Variants in VEPH1 observed in about 807,000 individuals in gnomAD.
VEPH1 encodes ventricular zone expressed PH domain containing 1.
In VEPH1, 80 loss-of-function variants were observed where a neutral mutation model predicts 85.2. The ratio of observed to expected loss-of-function variants is 0.94; its 90% confidence interval spans 0.78 to 1.13. The LOEUF (loss-of-function observed/expected upper bound fraction) is 1.13. Among genes scored for constraint, VEPH1 ranks in the 50% most tolerant of loss-of-function variants. VEPH1 has a pLI of 0.00. For synonymous variants in VEPH1, 297 were observed against 348.0 expected (o/e 0.85, Z 1.63); for missense variants, 955 against 980.5 (o/e 0.97, Z 0.35).
At position 157,286,588 on chromosome 3, in the gene VEPH1, G is replaced by GC. The variant is rs1183444043; in HGVS notation, c.2096dup (p.Cys699TrpfsTer8). The GC allele has an allele frequency of 6.2e-7, 1 of 1,614,070 alleles. No homozygotes were observed. The highest frequency in any genetic ancestry group is 8.5e-7 in the Non-Finnish European group (1 of 1,179,938). On this transcript the variant is annotated frameshift_variant, in exon 12 of 14. Transcript: ENST00000362010. LOFTEE classifies it high-confidence loss of function. Reference sequence around the variant, plus strand: ...CTTTCTCAGGATTGTTGCACATGAAGCATTGCCATGCTCCTGCTGTTTCAC... The same window carrying GC: ...CTTTCTCAGGATTGTTGCACATGAAGCCATTGCCATGCTCCTGCTGTTTCAC...
intron 6 of VEPH1, among the ~76,000 whole-genome samples, chr3:157,395,574 C>G (rs1432156375): frequency 6.6e-6 from 1 of 152,176 alleles, no homozygotes; most frequent in Non-Finnish European, 1.5e-5. Context: ...ATCATATCCA[C>G]TTGATTATTA....
In VEPH1 at chr3:157,286,631, A is replaced by G. The variant is rs926894744; in HGVS notation, c.2054T>C (p.Phe685Ser). 3 of 1,614,022 alleles carry G rather than the reference A, an allele frequency of 1.9e-6. No individual in the cohort carries two copies. Among genetic ancestry groups the G allele is most frequent in the Non-Finnish European group, 2.5e-6 (3 of 1,179,992 alleles). ...TGTTTCACTGAAGCCAAACACGTCA[A>G]AGAACCTCACTTCTTCCAGATGGAG... ...VQLHLEEVRF[F>S]DVFGFSETAG... Residue 685 changes from phenylalanine (F) to serine (S), a missense_variant, in exon 12 of 14, where the codon TTT becomes TCT. Physicochemically the swap from Phe to Ser is radical, Grantham distance 155. Transcript: ENST00000362010.
At chr3:157,336,274 CA>C (rs1722957762) in intron 9 of VEPH1, among the ~76,000 whole-genome samples, 2 of 152,300 alleles carry the variant, frequency 1.3e-5, no homozygotes, top group South Asian at 4.1e-4. Context: ...CCCTTTCCCC[CA>C]AAACCAATTA....
intron 12 of VEPH1, among the ~76,000 whole-genome samples, chr3:157,272,779 C>T (rs1266727798): frequency 3.3e-5 from 5 of 152,086 alleles, no homozygotes; most frequent in Non-Finnish European, 7.3e-5. Flanking sequence ...TGTTTTTCTG[C>T]TAAAACTTTT....
At chr3:157,402,975 A>G (rs1200462891) in intron 6 of VEPH1, among the ~76,000 whole-genome samples, 2 of 152,186 alleles carry the variant, frequency 1.3e-5, no homozygotes, top group Non-Finnish European at 2.9e-5. Context: ...CATGTAAACC[A>G]GTACCAAGTT....
At chr3:157,357,388 A>G (rs1307288290) in intron 9 of VEPH1, among the ~76,000 whole-genome samples, 1 of 152,180 alleles carries the variant, frequency 6.6e-6, no homozygotes, top group East Asian at 1.9e-4. Context: ...TTTATTTTGC[A>G]CTGTTTTCTA....
At chr3:157,313,483 C>A in intron 11 of VEPH1, 138 bp downstream of exon 11, 1 of 1,066,924 alleles carries the variant, frequency 9.4e-7, no homozygotes, top group Non-Finnish European at 1.3e-6. Flanking sequence ...AAAATAATTT[C>A]TTACAAGTGT....
At chr3:157,482,504 T>C (rs1449931663) in intron 2 of VEPH1, among the ~76,000 whole-genome samples, 2 of 152,234 alleles carry the variant, frequency 1.3e-5, no homozygotes, top group Non-Finnish European at 2.9e-5. Context: ...ATTACAGGTG[T>C]GAGCCACCCA....
At chr3:157,304,860 C>A (rs1719282400) in intron 11 of VEPH1, among the ~76,000 whole-genome samples, 1 of 151,868 alleles carries the variant, frequency 6.6e-6, no homozygotes, top group Non-Finnish European at 1.5e-5. Context: ...ATGGGCAATC[C>A]TCCAAATAAT....
Position 157,470,305 on chromosome 3 carries a change from C to G in VEPH1, c.354+9G>C. The stretch of plus-strand genomic sequence containing the variant: ...GTATCAAATAGCCTGATGTTGAACA[C>G]TGACATACCTGTAAAATGCAACTCA... On this transcript the variant is annotated intron_variant, in intron 3 of 13. Transcript: ENST00000362010. 2 of 1,613,902 alleles carry G rather than the reference C, an allele frequency of 1.2e-6. No individual in the cohort carries two copies. The highest frequency in any genetic ancestry group is 1.7e-6 in the Non-Finnish European group (2 of 1,179,874).
chr3:157,369,194 A>AAAAC (rs1727187239), intron 7 of VEPH1, among the ~76,000 whole-genome samples: 4 of 144,962 alleles, frequency 2.8e-5, no homozygotes, highest in Admixed American at 2.1e-4. Flanking sequence ...AAAAAAAAAA[A>AAAAC]AAAAAAAAAA....
intron 9 of VEPH1, among the ~76,000 whole-genome samples, chr3:157,350,291 A>G (rs1254711967): frequency 2.6e-5 from 4 of 152,198 alleles, no homozygotes; most frequent in African/African-American, 9.6e-5. Context: ...TCAATAAATG[A>G]TGCTGCAAAA....
chr3:157,413,532 T>C (rs915181462), intron 6 of VEPH1: 1 of 985,356 alleles, frequency 1.0e-6, no homozygotes, highest in Non-Finnish European at 1.2e-6. Flanking sequence ...TGCAAAGTGG[T>C]CTTGAATCTT....
Position 157,346,157 on chromosome 3 carries a change from C to T in VEPH1, c.1735+17207G>A, listed in dbSNP as rs190915632. On this transcript the variant is annotated intron_variant, in intron 9 of 13. Transcript: ENST00000362010. ...CAAACCTGCACGTTGTACACATGTA[C>T]CCTAGAACTTAATTAAAAAAAAGTC... Among the ~76,000 whole-genome samples the T allele has an allele frequency of 1.3e-3, 203 of 152,100 alleles. 2 individuals are homozygous for T. Among genetic ancestry groups the T allele is most frequent in the Admixed American group, 2.5e-3 (38 of 15,284 alleles).
chr3:157,369,202 A>AAAAAAAAAAC (rs1560001426), intron 7 of VEPH1, among the ~76,000 whole-genome samples: 1 of 148,942 alleles, frequency 6.7e-6, no homozygotes, highest in African/African-American at 2.5e-5. Context: ...AAAAAAAAAA[A>AAAAAAAAAAC]AACCTCCTGA....
intron 9 of VEPH1, among the ~76,000 whole-genome samples, chr3:157,363,021 C>T (rs961222316): frequency 7.9e-5 from 12 of 152,102 alleles, no homozygotes; most frequent in Admixed American, 5.2e-4. Context: ...ATGTCTCTGG[C>T]AGAACCCCTA....
intron 11 of VEPH1, 63 bp from the exon 12 acceptor site, chr3:157,286,737 G>T: frequency 1.5e-6 from 2 of 1,329,842 alleles, no homozygotes; most frequent in South Asian, 1.2e-5. Flanking sequence ...AACATTCTGA[G>T]ACTGGGAGAA....
At chr3:157,381,771 CA>C (rs1728810016) in intron 6 of VEPH1, 1 of 187,928 alleles carries the variant, frequency 5.3e-6, no homozygotes, top group South Asian at 1.0e-4. Context: ...CCATGAGCAG[CA>C]GATGATAATT....
intron 4 of VEPH1, among the ~76,000 whole-genome samples, chr3:157,429,546 T>A (rs1732990049): frequency 6.6e-6 from 1 of 152,240 alleles, no homozygotes; most frequent in Non-Finnish European, 1.5e-5. Flanking sequence ...AAATGAGAAT[T>A]GTTTTTTCCA....
Sources: allele counts gnomAD v4.1 joint callset (sites outside exome capture counted in the v4.1 genomes callset), GRCh38; gene constraint gnomAD v4.1.1; transcripts MANE v1.5; gene names NCBI Gene and HGNC (gene_info 2026-07-23, HGNC 2026-07-21).